FSTL4: variants seen among roughly 807,000 people sequenced by gnomAD.
The protein encoded by FSTL4 is follistatin like 4.
A neutral mutation model predicts 78.2 loss-of-function variants in FSTL4; 28 were observed. The observed-to-expected ratio is 0.36, with a 90% confidence interval of 0.27 to 0.49. FSTL4 has a LOEUF of 0.49. FSTL4 is among the 20% of genes least tolerant of loss of function. The probability of loss-of-function intolerance (pLI) is 0.98; values close to 1 mark genes in which losing one functional copy is unlikely to be tolerated. For missense variants in FSTL4, 922 were observed against 1,084.9 expected (o/e 0.85, Z 2.11); for synonymous variants, 422 against 440.5 (o/e 0.96, Z 0.53).
chr5:133,253,887 A>G (rs758321830), intron 6 of FSTL4, among the ~76,000 whole-genome samples: 1 of 152,130 alleles, frequency 6.6e-6, no homozygotes, highest in Non-Finnish European at 1.5e-5. Context: ...TCCCCATGGC[A>G]TTTGTGTCTT....
chr5:133,521,064 T>G (rs776187557), intron 3 of FSTL4, among the ~76,000 whole-genome samples: 5 of 152,162 alleles, frequency 3.3e-5, no homozygotes, highest in Non-Finnish European at 5.9e-5. Context: ...CATCAAGCAT[T>G]CACTGTTCCT....
intron 1 of FSTL4, among the ~76,000 whole-genome samples, chr5:133,605,824 A>T (rs1760964923): frequency 6.6e-6 from 1 of 152,136 alleles, no homozygotes. Flanking sequence ...AGCTACCAGG[A>T]AAAGAGTCTG....
At chr5:133,514,594 C>T (rs944189177) in intron 3 of FSTL4, among the ~76,000 whole-genome samples, 1 of 152,124 alleles carries the variant, frequency 6.6e-6, no homozygotes, top group Non-Finnish European at 1.5e-5. Context: ...AAGACAAAGA[C>T]ATAGTTGTGG....
At chr5:133,324,429 TC>T (rs1297789290) in intron 4 of FSTL4, among the ~76,000 whole-genome samples, 12 of 152,344 alleles carry the variant, frequency 7.9e-5, no homozygotes, top group Non-Finnish European at 1.8e-4. Flanking sequence ...TGCTGCCCCG[TC>T]CTACTCTCTC....
At chr5:133,450,306 G>A (rs1757354215) in intron 3 of FSTL4, among the ~76,000 whole-genome samples, 1 of 152,228 alleles carries the variant, frequency 6.6e-6, no homozygotes, top group South Asian at 2.1e-4. Context: ...GAAGAAGGCA[G>A]AGGAGGTCAC....
chr5:133,652,295 G>A, the FSTL4 span, among the ~76,000 whole-genome samples: 1 of 151,688 alleles, frequency 6.6e-6, no homozygotes, highest in Non-Finnish European at 1.5e-5. Flanking sequence ...GATTACTTTG[G>A]ATTTAGTTTG....
chr5:133,351,849 C>G (rs534761312), intron 4 of FSTL4, among the ~76,000 whole-genome samples: 2 of 152,232 alleles, frequency 1.3e-5, no homozygotes, highest in East Asian at 3.9e-4. Flanking sequence ...CTCAGGTGAT[C>G]CACCCACCTT....
At chr5:133,491,367 A>G (rs951904749) in intron 3 of FSTL4, among the ~76,000 whole-genome samples, 2 of 150,838 alleles carry the variant, frequency 1.3e-5, no homozygotes, top group African/African-American at 4.9e-5. Flanking sequence ...CTTAAACAAT[A>G]CTTTGATATT....
chr5:133,736,522 T>G, the FSTL4 span, among the ~76,000 whole-genome samples: 2 of 152,186 alleles, frequency 1.3e-5, no homozygotes, highest in African/African-American at 4.8e-5. Context: ...TTTGAAACAC[T>G]GGTCCTTTAG....
chr5:133,506,989 C>A (rs555008489), intron 3 of FSTL4, among the ~76,000 whole-genome samples: 48 of 152,260 alleles, frequency 3.2e-4, no homozygotes, highest in African/African-American at 1.1e-3. Context: ...AGGTGGATTA[C>A]CTGAGGTCAG....
At chr5:133,230,678 TGC>T (rs2126800469) in intron 8 of FSTL4, among the ~76,000 whole-genome samples, 1 of 152,222 alleles carries the variant, frequency 6.6e-6, no homozygotes, top group Admixed American at 6.5e-5. Flanking sequence ...CCGGTGCCCC[TGC>T]GTCTCCCCAG....
the FSTL4 span, among the ~76,000 whole-genome samples, chr5:133,657,649 T>A: frequency 1.3e-5 from 2 of 152,226 alleles, no homozygotes; most frequent in African/African-American, 4.8e-5. Flanking sequence ...AAATATGTAG[T>A]GTTGTTTTAC....
intron 4 of FSTL4, among the ~76,000 whole-genome samples, chr5:133,328,594 C>T (rs1008478039): frequency 6.6e-6 from 1 of 152,174 alleles, no homozygotes; most frequent in South Asian, 2.1e-4. Context: ...AAAACCTCCA[C>T]CAGCTAGATT....
chr5:133,786,745 C>T, the FSTL4 span, among the ~76,000 whole-genome samples: 1 of 152,158 alleles, frequency 6.6e-6, no homozygotes, highest in Non-Finnish European at 1.5e-5. Flanking sequence ...TGTGGCCCAT[C>T]AGGTGGCAAA....
At position 133,225,189 on chromosome 5, in the gene FSTL4, T is replaced by C. The variant is rs1751287390; in HGVS notation, c.1273A>G (p.Ile425Val). The change falls in exon 10 of 16, where the codon ATC becomes GTC. Residue 425 changes from isoleucine (I) to valine (V), a missense_variant. Transcript: ENST00000265342. The surrounding 1 kb of genome is among the most constrained non-coding windows in gnomAD (Gnocchi z 4.6). Reference protein sequence around the residue: ...AKNEVGVDEDISSLFIEDSAR... With the variant: ...AKNEVGVDEDVSSLFIEDSAR... ...GAGTCTTCAATGAAGAGCGAGGAGA[T>C]ATCTTCATCCACACCCACTTCATTT... 1 of 1,614,014 alleles carries C rather than the reference T, an allele frequency of 6.2e-7. No homozygotes were observed. Among genetic ancestry groups the C allele is most frequent in the South Asian group, 1.1e-5 (1 of 91,086 alleles).
rs776653715 is a variant in FSTL4 at position 133,198,727 on chromosome 5, C to A, written c.*368G>T. ...CCGTCAGGGCAAAGTCTGGCTGGGT[C>A]TGGCAGTAAGGGACAATGACTATGT... On this transcript the variant is annotated 3_prime_UTR_variant, in exon 16 of 16. Transcript: ENST00000265342. 2.6e-4 allele frequency: 45 copies of A among 170,256 alleles called. No individual in the cohort carries two copies. The highest frequency in any genetic ancestry group is 2.5e-4 in the Admixed American group (4 of 16,148). 10.5% of individuals were successfully genotyped at this position (170,256 alleles called of 1,614,324 possible). A position where few individuals can be genotyped will look rare whatever the true frequency, so the allele number is the denominator to read the frequency against.
chr5:133,259,045 G>A (rs953168916), intron 6 of FSTL4, among the ~76,000 whole-genome samples: 5 of 152,082 alleles, frequency 3.3e-5, no homozygotes, highest in East Asian at 1.9e-4. Flanking sequence ...AAGGGCTGGG[G>A]GTGGGGGGTG....
At chr5:133,792,814 T>A in the FSTL4 span, among the ~76,000 whole-genome samples, 92 of 152,160 alleles carry the variant, frequency 6.0e-4, 2 homozygotes, top group Admixed American at 6.6e-5. Flanking sequence ...AATCCAAGTT[T>A]TATTTGCTCA....
chr5:133,462,412 G>A (rs904181776), intron 3 of FSTL4, among the ~76,000 whole-genome samples: 1 of 152,212 alleles, frequency 6.6e-6, no homozygotes, highest in Non-Finnish European at 1.5e-5. Flanking sequence ...CCAAGATGTA[G>A]AAAACACCTT....
Sources: allele counts gnomAD v4.1 joint callset (sites outside exome capture counted in the v4.1 genomes callset), GRCh38; gene constraint gnomAD v4.1.1; non-coding constraint Gnocchi (gnomAD v3.1); transcripts MANE v1.5; gene names NCBI Gene and HGNC (gene_info 2026-07-23, HGNC 2026-07-21).